The following KIF4A variants were observed in gnomAD, a reference collection of about 807,000 sequenced individuals.
The protein encoded by KIF4A is kinesin family member 4A, also known as chromosome-associated kinesin KIF4A.
KIF4A carries 7 observed loss-of-function variants against 105.9 expected under a neutral mutation model. That is an observed-to-expected ratio of 0.07 (90% CI 0.04 to 0.12). The LOEUF (loss-of-function observed/expected upper bound fraction) is 0.12. Among genes scored for constraint, KIF4A ranks in the 10% least tolerant of loss-of-function variants. KIF4A has a pLI of 1.00. For synonymous variants in KIF4A, 281 were observed against 331.3 expected (o/e 0.85, Z 1.65); for missense variants, 558 against 929.2 (o/e 0.60, Z 5.19).
Position 70,405,446 on chromosome X carries a change from C to T in KIF4A, c.2899-382C>T, listed in dbSNP as rs142783928. ...TAAAGTAGCAAGTAAACTGCCTAGT[C>T]TATGTTGAGAAGGGTAAAGAGAAGC... On this transcript the variant is annotated intron_variant, in intron 25 of 30. Coordinates refer to ENST00000374403, the MANE Select transcript of KIF4A (RefSeq NM_012310.5). Among the ~76,000 whole-genome samples the T allele has an allele frequency of 7.0e-3, 784 of 111,464 alleles. 3 individuals carry two copies. The highest frequency in any genetic ancestry group is 0.023 in the Middle Eastern group (5 of 217).
intron 15 of KIF4A, among the ~76,000 whole-genome samples, chrX:70,358,094 G>A (rs753348815): frequency 1.0e-4 from 11 of 110,494 alleles, no homozygotes; most frequent in Non-Finnish European, 1.9e-4. Flanking sequence ...ATTTTTTGTA[G>A]AGATGGGGTC....
chrX:70,415,537 G>A (rs2086339878), intron 28 of KIF4A: 1 of 135,503 alleles, frequency 7.4e-6, no homozygotes, highest in East Asian at 2.8e-4. Flanking sequence ...AGTCAAAGAG[G>A]TTGAGGCTGC....
intron 10 of KIF4A, 84 bp downstream of exon 10, chrX:70,333,773 C>T: frequency 1.5e-6 from 1 of 655,659 alleles, no homozygotes; most frequent in South Asian, 2.6e-5. Flanking sequence ...TTTCTGCTAG[C>T]ACTTGGTGTC....
rs1458944514 is a variant in KIF4A at position 70,404,043 on chromosome X, T to C, written c.2790+9T>C. 8.3e-7 allele frequency: 1 copy of C among 1,203,572 alleles called. No homozygotes were observed. Among genetic ancestry groups the C allele is most frequent in the East Asian group, 3.0e-5 (1 of 33,800 alleles). On this transcript the variant is annotated intron_variant, in intron 24 of 30. Coordinates refer to ENST00000374403, the MANE Select transcript of KIF4A (RefSeq NM_012310.5). The stretch of plus-strand genomic sequence containing the variant: ...AACAGCACCAAGAGAAGGTAAACTC[T>C]AGCAAGTCAAGAAGCTATACTGTGA...
At chrX:70,296,939 T>C in intron 3 of KIF4A, 59 bp from the exon 4 acceptor site, 2 of 1,058,539 alleles carry the variant, frequency 1.9e-6, no homozygotes, top group Non-Finnish European at 2.6e-6. Context: ...GGAAATGGAG[T>C]ATATTGATTA....
At chrX:70,368,975 C>A (rs1338739698) in intron 15 of KIF4A, among the ~76,000 whole-genome samples, 1 of 112,351 alleles carries the variant, frequency 8.9e-6, no homozygotes, top group Non-Finnish European at 1.9e-5. Context: ...AGCCTCATTG[C>A]TGCCTTGCAG....
chrX:70,394,214 T>TG (rs2086250829), intron 20 of KIF4A, among the ~76,000 whole-genome samples: 1 of 107,359 alleles, frequency 9.3e-6, no homozygotes, highest in African/African-American at 3.4e-5. Context: ...GCTTTTTTTT[T>TG]TTTTCCATAG....
intron 15 of KIF4A, among the ~76,000 whole-genome samples, chrX:70,357,522 A>G (rs961953558): frequency 6.3e-5 from 7 of 111,845 alleles, no homozygotes; most frequent in Non-Finnish European, 1.3e-4. Context: ...GTTGACATGG[A>G]TTTCATGTCT....
intron 15 of KIF4A, among the ~76,000 whole-genome samples, chrX:70,367,196 CTT>C (rs1287023679): frequency 2.7e-5 from 3 of 111,770 alleles, no homozygotes; most frequent in Non-Finnish European, 5.6e-5. Context: ...GGTCTTGACT[CTT>C]TATCCAGTTT....
chrX:70,390,404 C>T (rs749810690), intron 20 of KIF4A, among the ~76,000 whole-genome samples: 2 of 111,584 alleles, frequency 1.8e-5, no homozygotes, highest in African/African-American at 3.2e-5. Context: ...AGTTTTTCAC[C>T]GTAAAGTATG....
intron 13 of KIF4A, among the ~76,000 whole-genome samples, chrX:70,348,280 CA>C (rs1225326412): frequency 2.7e-5 from 3 of 111,036 alleles, no homozygotes; most frequent in African/African-American, 9.8e-5. Flanking sequence ...CTTGTCTCTA[CA>C]AAAAAATAAA....
chrX:70,408,160 C>T (rs933353940), intron 28 of KIF4A, among the ~76,000 whole-genome samples: 1 of 111,049 alleles, frequency 9.0e-6, no homozygotes, highest in African/African-American at 3.3e-5. Context: ...TGCCCAAGGT[C>T]GTAAAACTAA....
chrX:70,348,357 GT>G (rs957887645), intron 13 of KIF4A, among the ~76,000 whole-genome samples: 2 of 110,855 alleles, frequency 1.8e-5, no homozygotes, highest in Non-Finnish European at 3.8e-5. Context: ...TTGTTTTTTT[GT>G]TTTTTTTAGT....
chrX:70,347,350 A>C lies in KIF4A; in HGVS notation c.1431+3368A>C, dbSNP rs767505274. On this transcript the variant is annotated intron_variant, in intron 13 of 30. Coordinates refer to ENST00000374403, the MANE Select transcript of KIF4A (RefSeq NM_012310.5). ...GGGCTGTGAGACTGAAATAAATCTT[A>C]TTGTCATATATTTACATTTAGGATT... is the stretch of plus-strand genomic sequence containing the variant. 3.6e-5 allele frequency among the ~76,000 whole-genome samples: 4 copies of C among 111,966 alleles called. No individual in the cohort carries two copies. The East Asian group carries it at 1.1e-3, about 31-fold the overall frequency.
At chrX:70,348,115 G>T (rs2086001704) in intron 13 of KIF4A, among the ~76,000 whole-genome samples, 1 of 108,993 alleles carries the variant, frequency 9.2e-6, no homozygotes, top group African/African-American at 3.3e-5. Context: ...TTTCTGAGCA[G>T]AATAAGGGAA....
In KIF4A at chrX:70,395,797, T is replaced by C. The variant is rs1199815993; in HGVS notation, c.2359T>C (p.Ser787Pro). 8.3e-7 allele frequency: 1 copy of C among 1,211,362 alleles called. No homozygotes were observed. Among genetic ancestry groups the C allele is most frequent in the Admixed American group, 2.2e-5 (1 of 45,956 alleles). Residue 787 changes from serine (S) to proline (P), a missense_variant, in exon 21 of 31, where the codon TCT becomes CCT. Physicochemically the swap from Ser to Pro is moderately conservative, Grantham distance 74. This residue lies in a region of KIF4A where 469 missense variants were observed against 680.4 expected (regional missense o/e 0.69). Transcript: ENST00000374403. The part of the protein sequence containing the change: ...DVAQLKEKKE[S>P]GENPPPKLRR... ...GGCTCAACTCAAAGAAAAAAAGGAA[T>C]CTGGGGAGAATCCACCTCCTAAACT...
chrX:70,373,347 A>T (rs1343900874), intron 15 of KIF4A, among the ~76,000 whole-genome samples: 8 of 95,924 alleles, frequency 8.3e-5, no homozygotes, highest in African/African-American at 3.0e-4. Flanking sequence ...GGAAGAAGGG[A>T]AGGAGGGAGG....
intron 14 of KIF4A, 105 bp downstream of exon 14, chrX:70,352,761 T>C (rs970182760): frequency 2.2e-5 from 11 of 508,633 alleles, no homozygotes; most frequent in African/African-American, 9.5e-5. Context: ...CCATCCTCCA[T>C]AGAATGCCTG....
At chrX:70,377,021 G>T (rs2086177776) in intron 18 of KIF4A, among the ~76,000 whole-genome samples, 1 of 111,518 alleles carries the variant, frequency 9.0e-6, no homozygotes, top group South Asian at 3.8e-4. Context: ...AATGGAGAGA[G>T]AAATAGACAA....
Sources: gnomAD v4.1 joint callset for allele counts (sites outside exome capture counted in the v4.1 genomes callset) on GRCh38, gnomAD v4.1.1 for gene constraint, gnomAD v4.1.1 regional missense constraint, MANE v1.5 for transcripts, NCBI Gene and HGNC (gene_info 2026-07-23, HGNC 2026-07-21) for gene names.